ZFP30: variants seen among roughly 807,000 people sequenced by gnomAD.
The protein encoded by ZFP30 is zinc finger protein 30 homolog.
Under a neutral mutation model 12.3 loss-of-function variants are expected in ZFP30, and 16 were observed. The ratio of observed to expected loss-of-function variants is 1.30; its 90% confidence interval spans 0.88 to 1.98. ZFP30 has a LOEUF of 1.98. Ranked by LOEUF, ZFP30 falls within the 30% of genes most tolerant of loss-of-function variation. The pLI is 0.00. For synonymous variants in ZFP30, 172 were observed against 201.0 expected, an observed-to-expected ratio of 0.86 and a Z score of 1.22; for missense variants, 560 against 611.2, an observed-to-expected ratio of 0.92 and a Z score of 0.88.
chr19:37,639,760 G>A (rs973406910), intron 5 of ZFP30, among the ~76,000 whole-genome samples: 4 of 150,880 alleles, frequency 2.7e-5, no homozygotes, highest in African/African-American at 9.8e-5. Flanking sequence ...AATTAGAATA[G>A]GTTGTAAAAT....
At chr19:37,649,193 T>C (rs1185254714) in intron 2 of ZFP30, among the ~76,000 whole-genome samples, 3 of 148,872 alleles carry the variant, frequency 2.0e-5, no homozygotes, top group African/African-American at 7.4e-5. Context: ...TGCAGTGAGC[T>C]ATGATCTTTC....
At position 37,642,778 on chromosome 19, in the gene ZFP30, A is replaced by G. The variant is rs567862097; in HGVS notation, c.235+487T>C. On this transcript the variant is annotated intron_variant, in intron 5 of 5. Coordinates refer to ENST00000684514, the MANE Select transcript of ZFP30 (RefSeq NM_001320669.3). ...AGATAGAAAAGAAACGACTGAGGCCAGGCGCGGTGGCTCACGCCTGTAATC... is the reference window on the plus strand; with the variant it reads ...AGATAGAAAAGAAACGACTGAGGCCGGGCGCGGTGGCTCACGCCTGTAATC... Among the ~76,000 whole-genome samples, 244 of 152,242 alleles carry G rather than the reference A, an allele frequency of 1.6e-3. 1 individual carries two copies. Among genetic ancestry groups the G allele is most frequent in the Non-Finnish European group, 3.0e-3 (202 of 67,996 alleles).
At position 37,655,448 on chromosome 19, in the gene ZFP30, A is replaced by T. The variant is rs1243129991; in HGVS notation, c.-274T>A. ...ACTCAGAGGATAGCCCAGCCCTGGG[A>T]GTCAGCGGCGCCAGAATACGGGAGA... On this transcript the variant is annotated 5_prime_UTR_variant, in exon 1 of 6. Coordinates refer to ENST00000684514, the MANE Select transcript of ZFP30 (RefSeq NM_001320669.3). The T allele has an allele frequency of 2.0e-5, 3 of 152,324 alleles. No homozygotes were observed. The highest frequency in any genetic ancestry group is 4.4e-5 in the Non-Finnish European group (3 of 68,122). The allele number at this position is 152,324 out of a possible 1,614,324, so 9.4% of individuals were successfully genotyped here.
intron 2 of ZFP30, among the ~76,000 whole-genome samples, chr19:37,653,181 T>G (rs1036361415): frequency 1.3e-5 from 2 of 150,834 alleles, no homozygotes; most frequent in African/African-American, 4.9e-5. Flanking sequence ...GCATAAATGG[T>G]GACAACAGGG....
rs1278839545 is a variant in ZFP30, at chr19:37,644,668, A to G, written c.78T>C (p.Tyr26=). Residue 26 remains tyrosine (Y), a synonymous_variant, in exon 4 of 6, where the codon TAT becomes TAC. Coordinates refer to ENST00000684514, the MANE Select transcript of ZFP30 (RefSeq NM_001320669.3). Reference sequence around the variant, plus strand: ...TCACATCTCTGTACAAATTCCTCTGATATGAGTTCAGGCATTCCCATTCTT... The same window carrying G: ...TCACATCTCTGTACAAATTCCTCTGGTATGAGTTCAGGCATTCCCATTCTT... ...SQEEWECLNS[Y]QRNLYRDVIL... is the part of the protein sequence containing the mutation. The G allele has an allele frequency of 6.2e-7, 1 of 1,613,484 alleles. No homozygotes were observed. Among genetic ancestry groups the G allele is most frequent in the Admixed American group, 1.7e-5 (1 of 59,936 alleles).
At chr19:37,646,622 A>G (rs1230094612) in intron 3 of ZFP30, among the ~76,000 whole-genome samples, 2 of 152,148 alleles carry the variant, frequency 1.3e-5, no homozygotes, top group African/African-American at 4.8e-5. Context: ...GCGTGGCACA[A>G]TCACAGCCCA....
chr19:37,637,335 G>A (rs2044349978), intron 5 of ZFP30, among the ~76,000 whole-genome samples: 1 of 151,070 alleles, frequency 6.6e-6, no homozygotes, highest in South Asian at 2.1e-4. Context: ...CTCCCAAGTA[G>A]GTAGGATTAC....
At chr19:37,645,762 AAAT>A (rs148852130) in intron 3 of ZFP30, among the ~76,000 whole-genome samples, 2,346 of 152,028 alleles carry the variant, frequency 0.015, 52 homozygotes, top group East Asian at 0.054. Context: ...GATTTTTAAA[AAAT>A]AATAATAATT....
intron 4 of ZFP30, among the ~76,000 whole-genome samples, chr19:37,643,886 G>C (rs925698586): frequency 2.0e-5 from 3 of 152,142 alleles, no homozygotes; most frequent in Non-Finnish European, 4.4e-5. Context: ...AAATATGTCT[G>C]TTGTAGGAAA....
At chr19:37,644,320 G>C (rs1342309747) in intron 4 of ZFP30, 2 of 190,334 alleles carry the variant, frequency 1.1e-5, no homozygotes, top group Non-Finnish European at 2.1e-5. Flanking sequence ...CAGATCATGA[G>C]GTCAAGAGAT....
chr19:37,653,853 T>C (rs2044700618), intron 2 of ZFP30, among the ~76,000 whole-genome samples: 1 of 152,208 alleles, frequency 6.6e-6, no homozygotes, highest in African/African-American at 2.4e-5. Context: ...TGAAAGCTCA[T>C]AAACAGAGTC....
intron 1 of ZFP30, 181 bp downstream of exon 1, chr19:37,655,239 G>C (rs1319451875): frequency 1.3e-5 from 2 of 152,282 alleles, no homozygotes; most frequent in Non-Finnish European, 2.9e-5. Context: ...ACTACCGCCC[G>C]GGCCTCCAGG....
At chr19:37,653,048 C>T (rs1368221449) in intron 2 of ZFP30, among the ~76,000 whole-genome samples, 1 of 149,366 alleles carries the variant, frequency 6.7e-6, no homozygotes, top group East Asian at 2.0e-4. Context: ...ACCCGGGAGG[C>T]AGCGGTTGCA....
rs1162989376 is a variant in ZFP30, at chr19:37,636,050, C to G, written c.491G>C (p.Gly164Ala). Residue 164 changes from glycine to alanine, a missense_variant, in exon 6 of 6, where the codon GGG becomes GCG. Physicochemically the swap from Gly to Ala is moderately conservative, Grantham distance 60 (BLOSUM62 0). Transcript: ENST00000684514. ...REKPYECGECGKAFRVRQQLT... is the reference protein window; with the variant it reads ...REKPYECGECAKAFRVRQQLT... Reference sequence around the variant, plus strand: ...TTGTTGTCGTACTCTAAAAGCCTTCCCACATTCCCCACATTCGTAGGGTTT... The same window carrying G: ...TTGTTGTCGTACTCTAAAAGCCTTCGCACATTCCCCACATTCGTAGGGTTT... 6.2e-7 allele frequency: 1 copy of G among 1,614,094 alleles called. No homozygotes were observed. The highest frequency in any genetic ancestry group is 1.1e-5 in the South Asian group (1 of 91,078).
chr19:37,633,021 A>C lies in ZFP30; in HGVS notation c.*1960T>G, dbSNP rs1032018481. ...CCCCATCTCTACTAAAAATACAAAA[A>C]TCAACCTGGTGTGGTGGCGGGCGCC... On this transcript the variant is annotated 3_prime_UTR_variant, in exon 6 of 6. Coordinates refer to ENST00000684514, the MANE Select transcript of ZFP30 (RefSeq NM_001320669.3). The C allele has an allele frequency of 6.6e-6, 1 of 152,024 alleles. No homozygotes were observed. Among genetic ancestry groups the C allele is most frequent in the Non-Finnish European group, 1.5e-5 (1 of 68,078 alleles). 9.4% of individuals were successfully genotyped at this position (152,024 alleles called of 1,614,324 possible). A position where few individuals can be genotyped will look rare whatever the true frequency, so the allele number is the denominator to read the frequency against.
In ZFP30 at chr19:37,634,237, A is replaced by AT. The variant is rs2044278956; in HGVS notation, c.*743dup. 6.6e-6 allele frequency: 1 copy of AT among 152,014 alleles called. No homozygotes were observed. Among genetic ancestry groups the AT allele is most frequent in the South Asian group, 2.1e-4 (1 of 4,820 alleles). The allele number at this position is 152,014 out of a possible 1,614,324, so 9.4% of individuals were successfully genotyped here. On this transcript the variant is annotated 3_prime_UTR_variant, in exon 6 of 6. Transcript: ENST00000684514. ...TGTAATTTACTCTTCCATTCCTTGA[A>AT]TTTTCTCTAAACTGGGAGTTGGCTC...
In ZFP30 at chr19:37,632,668, C is replaced by T. The variant is rs924927902; in HGVS notation, c.*2313G>A. ...GTACTCAATATGAAAAATTGAGATA[C>T]TTAACTTTTTTAAAATAACTAAGTC... On this transcript the variant is annotated 3_prime_UTR_variant, in exon 6 of 6. Coordinates refer to ENST00000684514, the MANE Select transcript of ZFP30 (RefSeq NM_001320669.3). The T allele has an allele frequency of 2.0e-5, 3 of 151,936 alleles. No homozygotes were observed. The highest frequency in any genetic ancestry group is 4.4e-5 in the Non-Finnish European group (3 of 67,994). The allele number at this position is 151,936 out of a possible 1,614,324, so 9.4% of individuals were successfully genotyped here. A position where few individuals can be genotyped will look rare whatever the true frequency, so the allele number is the denominator to read the frequency against.
chr19:37,635,604 G>C lies in ZFP30; in HGVS notation c.937C>G (p.Leu313Val). Reference sequence around the variant, plus strand: ...GTATGAAGTTTGTGATGTAGTCGAAGGCCTGTACTACACAGAAAGGCCTGA... The same window carrying C: ...GTATGAAGTTTGTGATGTAGTCGAACGCCTGTACTACACAGAAAGGCCTGA... ...CGQAFLCSTGLRLHHKLHTGE... is the reference protein window; with the variant it reads ...CGQAFLCSTGVRLHHKLHTGE... Residue 313 changes from leucine (L) to valine (V), a missense_variant, in exon 6 of 6, where the codon CTT (leucine) becomes GTT (valine). Transcript: ENST00000684514. The C allele has an allele frequency of 3.1e-6, 5 of 1,614,140 alleles. No individual in the cohort carries two copies. Among genetic ancestry groups the C allele is most frequent in the Non-Finnish European group, 4.2e-6 (5 of 1,180,022 alleles).
At position 37,635,008 on chromosome 19, in the gene ZFP30, G is replaced by GT; in HGVS notation, c.1532dup (p.Tyr511Ter). The GT allele has an allele frequency of 6.4e-7, 1 of 1,559,662 alleles. No individual in the cohort carries two copies. Among genetic ancestry groups the GT allele is most frequent in the Non-Finnish European group, 8.6e-7 (1 of 1,156,310 alleles). Reference protein sequence around the residue: ...KAFRQHSHLTYHQRIHNVT With the variant: ...KAFRQHSHLT ...AAGTTACATTATGAATTCGCTGATG[G>GT]TAAGTAAGATGTGAATGTTGTCTAA... The change falls in exon 6 of 6, where the codon TAC becomes TAAC. Residue 511 changes from tyrosine to a stop codon, truncating the protein, a stop_gained and frameshift_variant. Coordinates refer to ENST00000684514, the MANE Select transcript of ZFP30 (RefSeq NM_001320669.3). LOFTEE classifies it high-confidence loss of function.
Sources: allele counts gnomAD v4.1 joint callset (sites outside exome capture counted in the v4.1 genomes callset), GRCh38; gene constraint gnomAD v4.1.1; transcripts MANE v1.5; gene names NCBI Gene and HGNC (gene_info 2026-07-23, HGNC 2026-07-21).